GPM6B: variants seen among roughly 807,000 people sequenced by gnomAD.
The protein encoded by GPM6B is neuronal membrane glycoprotein M6-b.
In GPM6B, 4 loss-of-function variants were observed where a neutral mutation model predicts 27.2. The observed-to-expected ratio is 0.15, with a 90% CI of 0.07 to 0.34. The LOEUF (loss-of-function observed/expected upper bound fraction) is 0.34. GPM6B is among the 10% of genes least tolerant of loss of function. The probability of loss-of-function intolerance (pLI) is 1.00; values close to 1 mark genes in which losing one functional copy is unlikely to be tolerated. For synonymous variants in GPM6B, 124 were observed against 103.1 expected, an observed-to-expected ratio of 1.20 and a Z score of -1.23; for missense variants, 183 against 261.9, an observed-to-expected ratio of 0.70 and a Z score of 2.08.
Position 13,822,575 on chromosome X carries a change from C to T in GPM6B, c.-197-36767G>A, listed in dbSNP as rs183988921. Among the ~76,000 whole-genome samples the T allele has an allele frequency of 8.1e-4, 87 of 107,174 alleles. 1 individual carries two copies. The highest frequency in any genetic ancestry group is 2.8e-3 in the African/African-American group (81 of 29,396). The allele number at this position is 107,174 out of a possible 115,157, so 93.1% of individuals were successfully genotyped here. On this transcript the variant is annotated intron_variant, in intron 1 of 6. Coordinates refer to the GPM6B transcript ENST00000398361. ...TATTTTTAGTAGAGGTGGGGTTTCA[C>T]CATATTGGCCAGACGTTCTCAAACT...
intron 1 of GPM6B, among the ~76,000 whole-genome samples, chrX:13,846,176 T>A (rs1461295149): frequency 9.0e-6 from 1 of 110,751 alleles, no homozygotes; most frequent in Non-Finnish European, 1.9e-5. Flanking sequence ...CCTACTTCCA[T>A]TTCCTCTACG....
intron 1 of GPM6B, among the ~76,000 whole-genome samples, chrX:13,842,786 G>A: frequency 9.0e-6 from 1 of 111,372 alleles, no homozygotes; most frequent in Non-Finnish European, 1.9e-5. Flanking sequence ...GCACACAATG[G>A]CAGTAATTAA....
rs144162602 is a variant in GPM6B, at chrX:13,785,650, C to T, written c.340G>A (p.Ala114Thr). Residue 114 changes from alanine to threonine, a missense_variant, in exon 3 of 8, where the codon GCC (alanine) becomes ACC (threonine). Ala to Thr is a moderately conservative substitution (Grantham distance 58). Coordinates refer to ENST00000316715, the MANE Select transcript of GPM6B (RefSeq NM_001001995.3). ...AILEQHFSTN[A>T]SDHALLSEVI... Reference sequence around the variant, plus strand: ...TCGCTCAGCAAGGCATGGTCACTGGCGTTGGTGGAGAAGTGTTGCTCAAGA... The same window carrying T: ...TCGCTCAGCAAGGCATGGTCACTGGTGTTGGTGGAGAAGTGTTGCTCAAGA... The T allele has an allele frequency of 3.4e-5, 41 of 1,209,811 alleles. No homozygotes were observed. In the African/African-American group the frequency reaches 5.8e-4, roughly 17 times the overall value.
chrX:13,832,629 A>G (rs1305764737), intron 1 of GPM6B, among the ~76,000 whole-genome samples: 2 of 111,594 alleles, frequency 1.8e-5, no homozygotes, highest in African/African-American at 6.5e-5. Context: ...AAGGCCACAC[A>G]TTTTAAAATA....
intron 1 of GPM6B, among the ~76,000 whole-genome samples, chrX:13,852,459 C>A (rs2049728965): frequency 1.8e-5 from 2 of 111,424 alleles, no homozygotes; most frequent in South Asian, 7.6e-4. Context: ...ACAGAGTTCT[C>A]ATTTCTGCCT....
At chrX:13,776,163 G>T in intron 7 of GPM6B, 75 bp downstream of exon 7, 1 of 870,914 alleles carries the variant, frequency 1.1e-6, no homozygotes, top group Non-Finnish European at 1.7e-6. Flanking sequence ...GCTGGTAAAA[G>T]CTGGAAGGGA....
intron 7 of GPM6B, chrX:13,773,953 CTTTTTT>C (rs772367299): frequency 1.5e-4 from 65 of 436,173 alleles, no homozygotes; most frequent in Admixed American, 1.5e-3. Context: ...CATATAAATC[CTTTTTT>C]TTTTTTTTTT....
intron 1 of GPM6B, among the ~76,000 whole-genome samples, chrX:13,921,018 G>A (rs1348319394): frequency 8.9e-6 from 1 of 112,076 alleles, no homozygotes; most frequent in Non-Finnish European, 1.9e-5. Flanking sequence ...AAACTTCCAA[G>A]TACTATTTTC....
chrX:13,778,500 A>G (rs1159961970), intron 5 of GPM6B, among the ~76,000 whole-genome samples: 1 of 111,718 alleles, frequency 9.0e-6, no homozygotes, highest in Non-Finnish European at 1.9e-5. Context: ...TTAATGCATA[A>G]GTTTGTGCTT....
chrX:13,814,967 T>C (rs1383647549), intron 1 of GPM6B, among the ~76,000 whole-genome samples: 2 of 112,347 alleles, frequency 1.8e-5, no homozygotes, highest in Non-Finnish European at 3.8e-5. Flanking sequence ...TCACAAATTA[T>C]CTTTTGCTTC....
At chrX:13,782,898 G>A (rs1384456516) in intron 4 of GPM6B, among the ~76,000 whole-genome samples, 1 of 112,304 alleles carries the variant, frequency 8.9e-6, no homozygotes, top group East Asian at 2.8e-4. Context: ...AGCAGCCTGT[G>A]TTTTAATCTT....
intron 1 of GPM6B, among the ~76,000 whole-genome samples, chrX:13,856,325 A>T (rs991812961): frequency 9.0e-6 from 1 of 111,715 alleles, no homozygotes; most frequent in African/African-American, 3.3e-5. Context: ...AGGAAAGAGA[A>T]GCCCAGACAA....
chrX:13,858,223 T>C (rs936649099), intron 1 of GPM6B, among the ~76,000 whole-genome samples: 1 of 111,972 alleles, frequency 8.9e-6, no homozygotes, highest in African/African-American at 3.2e-5. Context: ...TTGTGCCTTG[T>C]CATCTCCCTT....
intron 1 of GPM6B, among the ~76,000 whole-genome samples, chrX:13,863,727 C>T (rs920343798): frequency 2.7e-5 from 3 of 112,044 alleles, no homozygotes; most frequent in Non-Finnish European, 5.6e-5. Flanking sequence ...CACTTTCTTC[C>T]CACAGAAAGA....
intron 4 of GPM6B, 21 bp from the exon 5 acceptor site, chrX:13,780,010 G>A: frequency 8.7e-7 from 1 of 1,152,319 alleles, no homozygotes; most frequent in Non-Finnish European, 1.2e-6. Flanking sequence ...ACAAGAGGAA[G>A]GACAATCATC....
In GPM6B at chrX:13,789,707, G is replaced by A. The variant is rs186615674; in HGVS notation, c.182-3899C>T. 6.3e-3 allele frequency among the ~76,000 whole-genome samples: 706 copies of A among 111,546 alleles called. 12 individuals are homozygous for A. The highest frequency in any genetic ancestry group is 0.021 in the African/African-American group (636 of 30,736). ...GGAGAATGGCGTGAACCCGGAAGGC[G>A]GAGGGTGCAGTGAGCCGAGATTGCA... On this transcript the variant is annotated intron_variant, in intron 2 of 7. Coordinates refer to ENST00000316715, the MANE Select transcript of GPM6B (RefSeq NM_001001995.3).
chrX:13,893,311 ATAAT>A (rs1257767930), intron 1 of GPM6B, among the ~76,000 whole-genome samples: 2 of 110,935 alleles, frequency 1.8e-5, no homozygotes, highest in Non-Finnish European at 3.8e-5. Context: ...TTAAAAGCAT[ATAAT>A]TAATTATCTT....
At chrX:13,891,798 A>G (rs1308768329) in intron 1 of GPM6B, among the ~76,000 whole-genome samples, 1 of 112,047 alleles carries the variant, frequency 8.9e-6, no homozygotes, top group Admixed American at 9.5e-5. Context: ...GGGGAAGATT[A>G]GAACAGTAAG....
intron 1 of GPM6B, among the ~76,000 whole-genome samples, chrX:13,869,592 C>A (rs912224162): frequency 1.8e-5 from 2 of 111,482 alleles, no homozygotes; most frequent in Admixed American, 9.5e-5. Context: ...ATTGTCGAAC[C>A]AATGGTCTCC....
Sources: gnomAD v4.1 joint callset for allele counts (sites outside exome capture counted in the v4.1 genomes callset) on GRCh38, gnomAD v4.1.1 for gene constraint, MANE v1.5 for transcripts, NCBI Gene and HGNC (gene_info 2026-07-23, HGNC 2026-07-21) for gene names.